The following THG1L variants were observed in gnomAD, a reference collection of about 807,000 sequenced individuals.
THG1L encodes the protein tRNA-histidine guanylyltransferase 1 like, also known as probable tRNA(His) guanylyltransferase.
THG1L carries 27 observed loss-of-function variants against 35.2 expected under a neutral mutation model. The ratio of observed to expected loss-of-function variants is 0.77; its 90% CI spans 0.57 to 1.06. The LOEUF is 1.06. Ranked by LOEUF, THG1L falls within the 50% of genes least tolerant of loss-of-function variation. The pLI is 0.00. For synonymous variants in THG1L, 135 were observed against 132.4 expected (o/e 1.02, Z -0.14); for missense variants, 377 against 371.8 (o/e 1.01, Z -0.12).
intron 5 of THG1L, 103 bp from the exon 6 acceptor site, chr5:157,739,218 C>A: frequency 9.2e-7 from 1 of 1,087,836 alleles, no homozygotes; most frequent in Non-Finnish European, 1.3e-6. Context: ...ATCTGGCAGT[C>A]GGAAGTATAT....
At chr5:157,731,758 G>T (rs1043157553) in intron 1 of THG1L, 127 bp downstream of exon 1, 17 of 1,186,260 alleles carry the variant, frequency 1.4e-5, no homozygotes, top group Non-Finnish European at 2.0e-5. Context: ...CAATGAGTGC[G>T]CAGCATGGAG....
intron 3 of THG1L, among the ~76,000 whole-genome samples, chr5:157,735,088 C>A (rs2113038368): frequency 6.6e-6 from 1 of 152,188 alleles, no homozygotes; most frequent in East Asian, 1.9e-4. Flanking sequence ...CAGGCATGTG[C>A]CACCACGCCC....
At chr5:157,733,658 G>T (rs1197729908) in intron 2 of THG1L, among the ~76,000 whole-genome samples, 1 of 150,360 alleles carries the variant, frequency 6.7e-6, no homozygotes, top group Non-Finnish European at 1.5e-5. Flanking sequence ...TACAACAATG[G>T]TTTCTCTCCT....
Position 157,731,630 on chromosome 5 carries a change from C to A in THG1L, c.190C>A (p.Arg64=), listed in dbSNP as rs1205327628. Reference sequence around the variant, plus strand: ...GCGGCTGGACGGCCGGAATTTCCATCGGTGAGCGAGCTCGACTCGGGGCGT... The same window carrying A: ...GCGGCTGGACGGCCGGAATTTCCATAGGTGAGCGAGCTCGACTCGGGGCGT... ...VVRLDGRNFH[R]FAEKHNFAKP... The change falls in exon 1 of 6, where the codon CGG becomes AGG. Residue 64 remains arginine, a splice_region_variant and synonymous_variant. Coordinates refer to ENST00000231198, the MANE Select transcript of THG1L (RefSeq NM_017872.5). 3 of 1,594,084 alleles carry A rather than the reference C, an allele frequency of 1.9e-6. No homozygotes were observed. Among genetic ancestry groups the A allele is most frequent in the Non-Finnish European group, 2.6e-6 (3 of 1,168,050 alleles).
rs80151619 is a variant in THG1L, at chr5:157,732,664, G to A, written c.192-204G>A. Among the ~76,000 whole-genome samples the A allele has an allele frequency of 5.3e-5, 8 of 152,280 alleles. No homozygotes were observed. The East Asian group carries it at 1.5e-3, about 29-fold the overall frequency. ...TCACAGAAAGGAGAGTTGAGGCTTA[G>A]CATTTCTGTCTGGCTTTCTCAATTT... On this transcript the variant is annotated intron_variant, in intron 1 of 5. Coordinates refer to ENST00000231198, the MANE Select transcript of THG1L (RefSeq NM_017872.5).
At position 157,731,499 on chromosome 5, in the gene THG1L, T is replaced by G; in HGVS notation, c.59T>G (p.Leu20Arg). 1 of 1,613,076 alleles carries G rather than the reference T, an allele frequency of 6.2e-7. No homozygotes were observed. Among genetic ancestry groups the G allele is most frequent in the East Asian group, 2.2e-5 (1 of 44,826 alleles). The change falls in exon 1 of 6, where the codon CTG becomes CGG. Residue 20 changes from leucine to arginine, a missense_variant. Leu to Arg is a moderately radical substitution (Grantham distance 102). Coordinates refer to ENST00000231198, the MANE Select transcript of THG1L (RefSeq NM_017872.5). ...HDSLATISIT[L>R]RRYLRLGATM... The stretch of plus-strand genomic sequence containing the variant: ...TCCTTGGCCACCATTTCCATCACTC[T>G]GAGACGGTACCTGAGATTGGGGGCG...
intron 1 of THG1L, among the ~76,000 whole-genome samples, chr5:157,732,305 C>T (rs1035800267): frequency 6.7e-6 from 1 of 149,640 alleles, no homozygotes; most frequent in Non-Finnish European, 1.5e-5. Context: ...TTTAATTTGC[C>T]CGGCGCAGTG....
chr5:157,738,028 C>G (rs372622133), intron 5 of THG1L, 34 bp downstream of exon 5: 67 of 1,558,358 alleles, frequency 4.3e-5, no homozygotes, highest in Non-Finnish European at 5.6e-5. Flanking sequence ...AAATGGAAGT[C>G]AGGAAAAAAG....
intron 1 of THG1L, 120 bp from the exon 2 acceptor site, chr5:157,732,748 A>G (rs1478787232): frequency 1.7e-6 from 2 of 1,191,322 alleles, no homozygotes; most frequent in Non-Finnish European, 2.3e-6. Context: ...CTAGTTGAGC[A>G]TTTGAGTTCA....
At chr5:157,735,212 A>G (rs1760839129) in intron 3 of THG1L, among the ~76,000 whole-genome samples, 1 of 152,244 alleles carries the variant, frequency 6.6e-6, no homozygotes, top group Non-Finnish European at 1.5e-5. Flanking sequence ...TGCTGGGATT[A>G]TAGGCGTGAG....
intron 2 of THG1L, 60 bp from the exon 3 acceptor site, chr5:157,734,516 G>A (rs1046755827): frequency 6.3e-7 from 1 of 1,594,246 alleles, no homozygotes; most frequent in Non-Finnish European, 8.6e-7. Context: ...TCATGGTGTT[G>A]AACTAATTCC....
intron 5 of THG1L, 102 bp from the exon 6 acceptor site, chr5:157,739,219 G>T: frequency 9.1e-7 from 1 of 1,099,216 alleles, no homozygotes; most frequent in Non-Finnish European, 1.3e-6. Context: ...TCTGGCAGTC[G>T]GAAGTATATG....
intron 5 of THG1L, among the ~76,000 whole-genome samples, chr5:157,738,996 A>T (rs539238825): frequency 6.6e-6 from 1 of 151,806 alleles, no homozygotes; most frequent in Non-Finnish European, 1.5e-5. Flanking sequence ...CTGGTCTCGA[A>T]CTCCTGACCT....
intron 2 of THG1L, among the ~76,000 whole-genome samples, chr5:157,734,185 T>G (rs1046973790): frequency 2.0e-5 from 3 of 151,928 alleles, no homozygotes; most frequent in African/African-American, 7.3e-5. Flanking sequence ...GTCAGAAGTT[T>G]GAGACTAGCC....
chr5:157,732,100 AAG>A (rs1760738301), intron 1 of THG1L, among the ~76,000 whole-genome samples: 1 of 151,892 alleles, frequency 6.6e-6, no homozygotes, highest in Non-Finnish European at 1.5e-5. Context: ...GTCAGAAAAA[AAG>A]AGAAGGCTGG....
intron 3 of THG1L, among the ~76,000 whole-genome samples, chr5:157,734,957 G>C (rs77528384): frequency 6.9e-6 from 1 of 145,402 alleles, no homozygotes; most frequent in South Asian, 2.1e-4. Flanking sequence ...TTTTTTTTAA[G>C]ACAGAGTTTC....
At chr5:157,731,705 C>A (rs555756043) in intron 1 of THG1L, 74 bp downstream of exon 1, 304 of 1,506,856 alleles carry the variant, frequency 2.0e-4, no homozygotes, top group Non-Finnish European at 2.5e-4. Context: ...CTTGCAAGTC[C>A]TCCCGCCCGC....
chr5:157,737,758 C>T, intron 4 of THG1L, 129 bp from the exon 5 acceptor site: 1 of 664,606 alleles, frequency 1.5e-6, no homozygotes, highest in Non-Finnish European at 2.5e-6. Context: ...TTACTAATAA[C>T]TATAAGATGT....
At chr5:157,737,676 T>C (rs1561613843) in intron 4 of THG1L, among the ~76,000 whole-genome samples, 1 of 152,196 alleles carries the variant, frequency 6.6e-6, no homozygotes. Flanking sequence ...CAGTCTTGAC[T>C]TGTGAAGCCA....
Sources: allele counts gnomAD v4.1 joint callset (sites outside exome capture counted in the v4.1 genomes callset), GRCh38; gene constraint gnomAD v4.1.1; transcripts MANE v1.5; gene names NCBI Gene and HGNC (gene_info 2026-07-23, HGNC 2026-07-21).